MRTFA: variants seen among roughly 807,000 people sequenced by gnomAD.
MRTFA encodes the protein myocardin-related transcription factor A.
A neutral mutation model predicts 83.5 loss-of-function variants in MRTFA; 20 were observed. The ratio of observed to expected loss-of-function variants is 0.24; its 90% CI spans 0.17 to 0.35. The LOEUF (loss-of-function observed/expected upper bound fraction) is 0.35. Ranked by LOEUF, MRTFA falls within the 10% of genes least tolerant of loss-of-function variation. MRTFA has a pLI of 1.00. For synonymous variants in MRTFA, 659 were observed against 541.2 expected, an observed-to-expected ratio of 1.22 and a Z score of -3.02; for missense variants, 1,200 against 1,224.7, an observed-to-expected ratio of 0.98 and a Z score of 0.30.
intron 1 of MRTFA, among the ~76,000 whole-genome samples, chr22:40,635,918 G>A (rs1179544975): frequency 6.6e-6 from 1 of 152,182 alleles, no homozygotes; most frequent in Non-Finnish European, 1.5e-5. Flanking sequence ...CCCGAAGCGG[G>A]GAGGGTGGAC....
chr22:40,541,400 C>G (rs752584862), intron 3 of MRTFA, among the ~76,000 whole-genome samples: 1 of 152,146 alleles, frequency 6.6e-6, no homozygotes, highest in Admixed American at 6.5e-5. Flanking sequence ...TACAAAAAAT[C>G]TAGTCATCAT....
chr22:40,606,357 C>A (rs1264522302), intron 1 of MRTFA, among the ~76,000 whole-genome samples: 1 of 152,118 alleles, frequency 6.6e-6, no homozygotes, highest in African/African-American at 2.4e-5. Flanking sequence ...ATTTGAAAAA[C>A]AGAATGGAAG....
intron 3 of MRTFA, among the ~76,000 whole-genome samples, chr22:40,470,712 G>C (rs184412066): frequency 6.7e-4 from 102 of 152,134 alleles, no homozygotes; most frequent in Middle Eastern, 3.4e-3. Flanking sequence ...ACTTTGGGAC[G>C]CCGAGAAAGG....
At chr22:40,536,347 G>A (rs1960899262) in intron 3 of MRTFA, among the ~76,000 whole-genome samples, 8 of 151,050 alleles carry the variant, frequency 5.3e-5, no homozygotes, top group Middle Eastern at 3.4e-3. Flanking sequence ...CCGACCGCCG[G>A]GAGGATGGAG....
At chr22:40,599,346 T>C (rs936684804) in intron 1 of MRTFA, among the ~76,000 whole-genome samples, 4 of 152,140 alleles carry the variant, frequency 2.6e-5, no homozygotes, top group Non-Finnish European at 4.4e-5. Flanking sequence ...GCAATTATTT[T>C]CAATACTTTT....
At chr22:40,459,860 TATAC>T (rs2053678113) in intron 4 of MRTFA, among the ~76,000 whole-genome samples, 1 of 130,502 alleles carries the variant, frequency 7.7e-6, no homozygotes, top group Non-Finnish European at 1.6e-5. Context: ...TATATATATA[TATAC>T]ACACATGAAT....
intron 3 of MRTFA, among the ~76,000 whole-genome samples, chr22:40,547,140 G>A (rs1357885525): frequency 6.6e-6 from 1 of 151,964 alleles, no homozygotes; most frequent in Non-Finnish European, 1.5e-5. Context: ...GGGCGACAGA[G>A]TGAGACTCCA....
chr22:40,504,798 G>C lies in MRTFA; in HGVS notation c.242-41512C>G, dbSNP rs115190763. On this transcript the variant is annotated intron_variant, in intron 3 of 14. Coordinates refer to ENST00000355630, the MANE Select transcript of MRTFA (RefSeq NM_020831.6). The stretch of plus-strand genomic sequence containing the variant: ...ATTATGAAACATTCCAAATTGGAAT[G>C]AATTCTCTGGATATAGTATCTTTGA... Among the ~76,000 whole-genome samples the C allele has an allele frequency of 7.4e-3, 1,125 of 152,280 alleles. 15 individuals are homozygous for C. Among genetic ancestry groups the C allele is most frequent in the African/African-American group, 0.026 (1,081 of 41,546 alleles).
At chr22:40,533,652 A>C in intron 3 of MRTFA, 1 of 1,226,298 alleles carries the variant, frequency 8.2e-7, no homozygotes, top group South Asian at 4.1e-5. Flanking sequence ...TTCTTCCAGA[A>C]ACAAAAATCC....
At chr22:40,523,452 A>G (rs1293711187) in intron 3 of MRTFA, 3 of 152,140 alleles carry the variant, frequency 2.0e-5, no homozygotes, top group African/African-American at 7.2e-5. Flanking sequence ...TGAGCCTCCC[A>G]CTTCAGCCCC....
rs940087720 is a variant in MRTFA at position 40,590,574 on chromosome 22, C to T, written c.-22+4100G>A. 6.1e-5 allele frequency among the ~76,000 whole-genome samples: 9 copies of T among 147,964 alleles called. No individual in the cohort carries two copies. The Admixed American group carries it at 6.1e-4, about 10-fold the overall frequency. The stretch of plus-strand genomic sequence containing the variant: ...CCCAGTTACTCAGGAGGCTGAGGCA[C>T]GAGAATTGCTTGAACCCAGGAGGCG... On this transcript the variant is annotated intron_variant, in intron 2 of 14. Coordinates refer to ENST00000355630, the MANE Select transcript of MRTFA (RefSeq NM_020831.6).
At chr22:40,621,367 A>G (rs902629484) in intron 1 of MRTFA, among the ~76,000 whole-genome samples, 68 of 152,320 alleles carry the variant, frequency 4.5e-4, no homozygotes, top group African/African-American at 1.4e-3. Context: ...GCTAGTCACA[A>G]AAGACAAATA....
chr22:40,510,231 G>C (rs1050947398), intron 3 of MRTFA, among the ~76,000 whole-genome samples: 2 of 152,008 alleles, frequency 1.3e-5, no homozygotes, highest in African/African-American at 2.4e-5. Context: ...TTAGTGGCTG[G>C]GGGTAAGGAA....
Position 40,420,670 on chromosome 22 carries a change from T to C in MRTFA, c.1182-94A>G, listed in dbSNP as rs565027782. On this transcript the variant is annotated intron_variant, in intron 10 of 14. Transcript: ENST00000355630. Reference sequence around the variant, plus strand: ...CCTGGGCAGCAGGATTGGGTACAGATGGGCATGGGGCAAGGGCCCAGCAAA... The same window carrying C: ...CCTGGGCAGCAGGATTGGGTACAGACGGGCATGGGGCAAGGGCCCAGCAAA... 1.1e-5 allele frequency: 17 copies of C among 1,555,156 alleles called. 1 individual carries two copies. In the South Asian group the frequency reaches 1.6e-4, roughly 14 times the overall value.
Position 40,410,513 on chromosome 22 carries a change from CG to C in MRTFA, c.*876del, listed in dbSNP as rs2052475945. The C allele has an allele frequency of 4.3e-6, 1 of 233,224 alleles. No homozygotes were observed. The highest frequency in any genetic ancestry group is 8.5e-6 in the Non-Finnish European group (1 of 117,806). The allele number at this position is 233,224 out of a possible 1,614,324, so 14.4% of individuals were successfully genotyped here. ...GCTGGCTGCAGTGAGGCGGCGGGGA[CG>C]GAATGTGAGTGGGTGGAGAGCTCCT... On this transcript the variant is annotated 3_prime_UTR_variant, in exon 15 of 15. Transcript: ENST00000355630.
At chr22:40,503,253 C>A (rs1282063316) in intron 3 of MRTFA, among the ~76,000 whole-genome samples, 1 of 152,222 alleles carries the variant, frequency 6.6e-6, no homozygotes, top group Non-Finnish European at 1.5e-5. Context: ...ACCATTTACT[C>A]TTTTTAAGTG....
intron 3 of MRTFA, among the ~76,000 whole-genome samples, chr22:40,527,953 T>A (rs1186977980): frequency 6.6e-6 from 1 of 152,060 alleles, no homozygotes; most frequent in African/African-American, 2.4e-5. Flanking sequence ...GACAAATGAA[T>A]TCAAATTTCT....
chr22:40,428,520 GTTT>G (rs2053001229), intron 7 of MRTFA, among the ~76,000 whole-genome samples: 1 of 152,052 alleles, frequency 6.6e-6, no homozygotes, highest in African/African-American at 2.4e-5. Context: ...CTCCCACCTC[GTTT>G]TTGTTTTTGA....
intron 4 of MRTFA, among the ~76,000 whole-genome samples, chr22:40,441,579 G>A (rs2053274832): frequency 6.6e-6 from 1 of 152,160 alleles, no homozygotes; most frequent in Non-Finnish European, 1.5e-5. Flanking sequence ...GAGGTCAGGA[G>A]TTCGAGACCA....
Sources: allele counts gnomAD v4.1 joint callset (sites outside exome capture counted in the v4.1 genomes callset), GRCh38; gene constraint gnomAD v4.1.1; transcripts MANE v1.5; gene names NCBI Gene and HGNC (gene_info 2026-07-23, HGNC 2026-07-21).